The following LRBA variants were observed in gnomAD, a reference collection of about 807,000 sequenced individuals.
LRBA encodes lipopolysaccharide-responsive and beige-like anchor protein.
LRBA carries 176 observed loss-of-function variants against 330.0 expected under a neutral mutation model. That is an observed-to-expected ratio of 0.53 (90% CI 0.47 to 0.60). LRBA has a LOEUF of 0.60. Ranked by LOEUF, LRBA falls within the 20% of genes least tolerant of loss-of-function variation. LRBA has a pLI of 0.00. For missense variants in LRBA, 3,259 were observed against 3,444.8 expected (o/e 0.95, Z 1.35); for synonymous variants, 1,230 against 1,193.0 (o/e 1.03, Z -0.64).
chr4:150,805,340 A>AAAG (rs1560841403), intron 33 of LRBA, among the ~76,000 whole-genome samples: 1 of 74,270 alleles, frequency 1.3e-5, no homozygotes, highest in African/African-American at 4.7e-5. Flanking sequence ...AAAGGAAAGG[A>AAAG]GAAGGAGAAG....
At chr4:150,341,203 C>T (rs1178228066) in intron 48 of LRBA, among the ~76,000 whole-genome samples, 1 of 152,080 alleles carries the variant, frequency 6.6e-6, no homozygotes, top group Non-Finnish European at 1.5e-5. Flanking sequence ...GCTTTGTCAC[C>T]CAGGCTAGAG....
chr4:150,806,334 C>A lies in LRBA; in HGVS notation c.5455G>T (p.Ala1819Ser), dbSNP rs1452024843. ...AAAAGTGTCCGAGAAAGAAAAGGTGCAAAATCCACAAAAATCTCACGAAGG... is the reference window on the plus strand; with the variant it reads ...AAAAGTGTCCGAGAAAGAAAAGGTGAAAAATCCACAAAAATCTCACGAAGG... The part of the protein sequence containing the change: ...PLLREIFVDF[A>S]PFLSRTLLGS... The change falls in exon 33 of 57, where the codon GCA becomes TCA. Residue 1819 changes from alanine (A) to serine (S), a missense_variant. Coordinates refer to ENST00000651943, the MANE Select transcript of LRBA (RefSeq NM_001364905.1). 1 of 1,609,002 alleles carries A rather than the reference C, an allele frequency of 6.2e-7. No individual in the cohort carries two copies. Among genetic ancestry groups the A allele is most frequent in the South Asian group, 1.1e-5 (1 of 90,344 alleles).
chr4:150,942,482 G>A lies in LRBA; in HGVS notation c.217-13417C>T, dbSNP rs192417011. 8.5e-5 allele frequency among the ~76,000 whole-genome samples: 13 copies of A among 152,118 alleles called. No individual in the cohort carries two copies. The East Asian group carries it at 1.7e-3, about 20-fold the overall frequency. The stretch of plus-strand genomic sequence containing the variant: ...GAGAACCATTTTGACCTCTCCAGCC[G>A]ACAGTAAACTAGAATGATACACATC... On this transcript the variant is annotated intron_variant, in intron 2 of 56. Transcript: ENST00000651943.
At chr4:150,853,585 TA>T (rs1750877232) in intron 22 of LRBA, among the ~76,000 whole-genome samples, 1 of 152,200 alleles carries the variant, frequency 6.6e-6, no homozygotes, top group African/African-American at 2.4e-5. Flanking sequence ...TCATTCCATT[TA>T]TATCTGAGTG....
At chr4:150,459,458 A>C (rs549777720) in intron 44 of LRBA, among the ~76,000 whole-genome samples, 2 of 152,094 alleles carry the variant, frequency 1.3e-5, no homozygotes, top group East Asian at 1.9e-4. Context: ...CAGATTTGAG[A>C]TCAAATCCTG....
At chr4:150,629,803 C>T (rs766685190) in intron 37 of LRBA, among the ~76,000 whole-genome samples, 8 of 152,120 alleles carry the variant, frequency 5.3e-5, no homozygotes, top group Non-Finnish European at 1.0e-4. Flanking sequence ...AACTCCATCT[C>T]TACTAAAAAT....
At chr4:150,558,213 T>C (rs1420119836) in intron 40 of LRBA, among the ~76,000 whole-genome samples, 1 of 152,082 alleles carries the variant, frequency 6.6e-6, no homozygotes, top group Non-Finnish European at 1.5e-5. Context: ...ATTGCACTCT[T>C]TGGAAGCAAG....
intron 14 of LRBA, 104 bp downstream of exon 14, chr4:150,899,945 T>C (rs532280225): frequency 7.5e-5 from 56 of 751,040 alleles, no homozygotes; most frequent in Non-Finnish European, 1.1e-4. Context: ...TAATGGAATA[T>C]AGAAAAACTG....
intron 2 of LRBA, among the ~76,000 whole-genome samples, chr4:150,941,916 A>C (rs996715876): frequency 1.3e-5 from 2 of 152,050 alleles, no homozygotes; most frequent in Non-Finnish European, 2.9e-5. Context: ...ATTTGTCTCT[A>C]CTGGGATTCT....
rs892315382 is a variant in LRBA at position 150,900,075 on chromosome 4, C to T, written c.1898G>A (p.Arg633Gln). 3.0e-5 allele frequency: 49 copies of T among 1,613,014 alleles called. No homozygotes were observed. The highest frequency in any genetic ancestry group is 4.0e-5 in the Non-Finnish European group (47 of 1,179,368). ...YYYWAVNPQD[R>Q]SGITPKGLDG... ...TAATCCTTTTGGGGTGATACCACTT[C>T]GATCCTGAGGATTCACTGCCCAGTA... Residue 633 changes from arginine to glutamine, a missense_variant, in exon 14 of 57, where the codon CGA (arginine) becomes CAA (glutamine). Transcript: ENST00000651943.
chr4:150,559,584 A>T (rs1767811388), intron 40 of LRBA, among the ~76,000 whole-genome samples: 1 of 119,104 alleles, frequency 8.4e-6, no homozygotes, highest in Non-Finnish European at 1.6e-5. Context: ...AAATATATAA[A>T]TATTTATAAT....
intron 2 of LRBA, among the ~76,000 whole-genome samples, chr4:150,975,752 A>G (rs1229645439): frequency 6.6e-6 from 1 of 152,122 alleles, no homozygotes; most frequent in Non-Finnish European, 1.5e-5. Context: ...ATAAATCAAT[A>G]TAAATTATTT....
intron 46 of LRBA, among the ~76,000 whole-genome samples, chr4:150,426,148 A>G (rs1749575748): frequency 6.6e-6 from 1 of 152,116 alleles, no homozygotes. Flanking sequence ...GTTATTTTAA[A>G]TCAACTGCAT....
At chr4:150,784,181 A>G (rs989121903) in intron 34 of LRBA, among the ~76,000 whole-genome samples, 2 of 152,258 alleles carry the variant, frequency 1.3e-5, no homozygotes, top group African/African-American at 4.8e-5. Context: ...CAAGCTAATT[A>G]ACATATCTAT....
chr4:150,453,928 T>C (rs959111017), intron 44 of LRBA, among the ~76,000 whole-genome samples: 27 of 152,214 alleles, frequency 1.8e-4, no homozygotes, highest in Non-Finnish European at 3.1e-4. Context: ...CACTTGAATA[T>C]TTCATGTGAA....
chr4:150,508,073 T>G, intron 40 of LRBA, among the ~76,000 whole-genome samples: 1 of 86,050 alleles, frequency 1.2e-5, no homozygotes, highest in African/African-American at 4.8e-5. Context: ...AACCGGGGAC[T>G]GTTGTGGGGT....
chr4:150,979,962 C>T (rs1230827181), intron 2 of LRBA, among the ~76,000 whole-genome samples: 2 of 152,116 alleles, frequency 1.3e-5, no homozygotes, highest in Non-Finnish European at 2.9e-5. Flanking sequence ...CTTCCAAACT[C>T]ATTCAACATG....
chr4:150,383,734 C>T (rs1742636139), intron 47 of LRBA, among the ~76,000 whole-genome samples: 1 of 152,070 alleles, frequency 6.6e-6, no homozygotes, highest in African/African-American at 2.4e-5. Context: ...GTCCCCAGTG[C>T]TTGTAGTACT....
At chr4:150,694,302 C>T (rs1784416540) in intron 36 of LRBA, among the ~76,000 whole-genome samples, 2 of 151,838 alleles carry the variant, frequency 1.3e-5, no homozygotes, top group East Asian at 1.9e-4. Context: ...TACTTTCCTT[C>T]TCAATTTGTC....
Sources: allele counts gnomAD v4.1 joint callset (sites outside exome capture counted in the v4.1 genomes callset), GRCh38; gene constraint gnomAD v4.1.1; transcripts MANE v1.5; gene names NCBI Gene and HGNC (gene_info 2026-07-23, HGNC 2026-07-21).